GNPDA2: variants seen among roughly 807,000 people sequenced by gnomAD.
GNPDA2 encodes the protein glucosamine-6-phosphate deaminase 2.
A neutral mutation model predicts 27.0 loss-of-function variants in GNPDA2; 24 were observed. The observed-to-expected ratio is 0.89, with a 90% CI of 0.64 to 1.25. The LOEUF (loss-of-function observed/expected upper bound fraction) is 1.25. Among genes scored for constraint, GNPDA2 ranks in the 50% most tolerant of loss-of-function variants. GNPDA2 has a pLI of 0.00. For missense variants in GNPDA2, 286 were observed against 335.1 expected (o/e 0.85, Z 1.14); for synonymous variants, 94 against 108.4 (o/e 0.87, Z 0.83).
intron 6 of GNPDA2, chr4:44,703,568 C>T (rs756464095): frequency 2.2e-5 from 22 of 986,242 alleles, no homozygotes; most frequent in Non-Finnish European, 2.6e-5. Flanking sequence ...ATACATTACC[C>T]TATCCATTCG....
intron 4 of GNPDA2, 24 bp downstream of exon 4, chr4:44,717,089 T>G (rs1717344537): frequency 6.5e-7 from 1 of 1,534,264 alleles, no homozygotes; most frequent in Non-Finnish European, 8.9e-7. Context: ...AACAAACAGT[T>G]AATGACAAAA....
At position 44,701,802 on chromosome 4, in the gene GNPDA2, T is replaced by G. The variant is rs570950348; in HGVS notation, c.*1279A>C. 1.8e-5 allele frequency: 18 copies of G among 982,902 alleles called. 1 individual carries two copies. The South Asian group carries it at 6.1e-4, about 33-fold the overall frequency. 60.9% of individuals were successfully genotyped at this position (982,902 alleles called of 1,614,324 possible). A position where few individuals can be genotyped will look rare whatever the true frequency, so the allele number is the denominator to read the frequency against. ...AAACATTTATAAGGCTATTAAAACA[T>G]CATCTGGAATTAAAGCAGCATAATT... On this transcript the variant is annotated 3_prime_UTR_variant, in exon 7 of 7. Coordinates refer to ENST00000295448, the MANE Select transcript of GNPDA2 (RefSeq NM_138335.3).
chr4:44,720,434 C>G (rs974050856), intron 2 of GNPDA2, among the ~76,000 whole-genome samples: 1 of 152,166 alleles, frequency 6.6e-6, no homozygotes, highest in South Asian at 2.1e-4. Flanking sequence ...CAACTTCAAG[C>G]CTATTCTTGA....
In GNPDA2 at chr4:44,703,037, A is replaced by G; in HGVS notation, c.*44T>C. ...CTGAAAATTCATCTACTACTTAGTA[A>G]AAAGTGCTCTGTTCATTCAAGCTGA... is the stretch of plus-strand genomic sequence containing the variant. On this transcript the variant is annotated 3_prime_UTR_variant, in exon 7 of 7. Coordinates refer to ENST00000295448, the MANE Select transcript of GNPDA2 (RefSeq NM_138335.3). The G allele has an allele frequency of 1.2e-6, 2 of 1,604,836 alleles. No individual in the cohort carries two copies. The highest frequency in any genetic ancestry group is 1.7e-6 in the Non-Finnish European group (2 of 1,177,320).
Position 44,709,444 on chromosome 4 carries a change from T to C in GNPDA2, c.594+1509A>G, listed in dbSNP as rs142664630. On this transcript the variant is annotated intron_variant, in intron 5 of 6. Transcript: ENST00000295448. ...ACAAACTATATGGAATAATTTGTTA[T>C]GTTTGTTCAAACTGCAGAATCCCTA... Among the ~76,000 whole-genome samples the C allele has an allele frequency of 6.3e-3, 963 of 152,310 alleles. 12 individuals carry two copies. Among genetic ancestry groups the C allele is most frequent in the African/African-American group, 0.022 (920 of 41,562 alleles).
At chr4:44,703,294 A>G (rs7680955) in intron 6 of GNPDA2, 152 bp from the exon 7 acceptor site, 89,807 of 1,390,910 alleles carry the variant, frequency 0.065, 3,321 homozygotes, top group Non-Finnish European at 0.074. Flanking sequence ...ACAAATAGAA[A>G]TGTTTCAGAA....
intron 1 of GNPDA2, among the ~76,000 whole-genome samples, chr4:44,723,255 T>TA (rs903143629): frequency 3.3e-5 from 5 of 151,400 alleles, no homozygotes; most frequent in South Asian, 4.2e-4. Context: ...TCCTTTTTTT[T>TA]AAAAAAATGG....
chr4:44,720,534 A>G (rs1354481130), intron 2 of GNPDA2, among the ~76,000 whole-genome samples: 1 of 152,150 alleles, frequency 6.6e-6, no homozygotes, highest in African/African-American at 2.4e-5. Context: ...CACAGCATGC[A>G]GGCCTTTAAA....
chr4:44,705,055 T>A (rs1716504482), intron 6 of GNPDA2: 23 of 983,736 alleles, frequency 2.3e-5, no homozygotes, highest in Non-Finnish European at 2.8e-5. Flanking sequence ...TACTGACAAT[T>A]TTTATTGTTT....
At chr4:44,713,954 A>G (rs1717127413) in intron 4 of GNPDA2, among the ~76,000 whole-genome samples, 1 of 152,124 alleles carries the variant, frequency 6.6e-6, no homozygotes. Flanking sequence ...TTTATTGTAA[A>G]ACTAGATTTT....
At chr4:44,717,400 C>A (rs1577592385) in intron 3 of GNPDA2, 105 bp from the exon 4 acceptor site, 9 of 584,156 alleles carry the variant, frequency 1.5e-5, no homozygotes, top group Non-Finnish European at 2.6e-5. Context: ...CTTCTCTATA[C>A]CATATTCAAT....
rs1716523128 is a variant in GNPDA2 at position 44,705,307 on chromosome 4, A to G, written c.770-2165T>C. 7.1e-6 allele frequency: 7 copies of G among 984,268 alleles called. No individual in the cohort carries two copies. In the South Asian group the frequency reaches 2.4e-4, roughly 33 times the overall value. The allele number at this position is 984,268 out of a possible 1,614,324, so 61.0% of individuals were successfully genotyped here. ...TTATTTAAGAATATTCAATTTCTCT[A>G]CCCTTTACTAAAATGCTGTAAAATG... is the stretch of plus-strand genomic sequence containing the variant. On this transcript the variant is annotated intron_variant, in intron 6 of 6. Coordinates refer to ENST00000295448, the MANE Select transcript of GNPDA2 (RefSeq NM_138335.3).
intron 3 of GNPDA2, among the ~76,000 whole-genome samples, chr4:44,717,566 C>T (rs1459662994): frequency 6.6e-6 from 1 of 151,702 alleles, no homozygotes. Context: ...TCCCATAGTT[C>T]GCAAAGGAGT....
At chr4:44,718,283 G>C in intron 3 of GNPDA2, 26 bp downstream of exon 3, 1 of 849,050 alleles carries the variant, frequency 1.2e-6, no homozygotes, top group South Asian at 1.7e-5. Context: ...CCCAAATAAT[G>C]GTCAATATAT....
chr4:44,707,961 T>C (rs755837747), intron 5 of GNPDA2, 35 bp from the exon 6 acceptor site: 5 of 1,448,528 alleles, frequency 3.5e-6, no homozygotes, highest in East Asian at 2.4e-5. Flanking sequence ...TTAAAACTTG[T>C]TCCAAATGAG....
At chr4:44,708,094 G>A (rs2109696786) in intron 5 of GNPDA2, among the ~76,000 whole-genome samples, 168 bp from the exon 6 acceptor site, 1 of 152,146 alleles carries the variant, frequency 6.6e-6, no homozygotes, top group South Asian at 2.1e-4. Context: ...AGATTAACAA[G>A]CACAAAATGT....
intron 4 of GNPDA2, among the ~76,000 whole-genome samples, chr4:44,712,496 A>C (rs1335049413): frequency 2.0e-5 from 3 of 151,250 alleles, no homozygotes; most frequent in Non-Finnish European, 4.4e-5. Flanking sequence ...GTTAATATGC[A>C]TTGACTGTTT....
At chr4:44,707,496 T>C in intron 6 of GNPDA2, 1 of 439,758 alleles carries the variant, frequency 2.3e-6, no homozygotes, top group Non-Finnish European at 4.0e-6. Flanking sequence ...AAGTAAATTA[T>C]TAAACCTTGG....
intron 1 of GNPDA2, among the ~76,000 whole-genome samples, chr4:44,723,261 A>C (rs1181208727): frequency 6.6e-6 from 1 of 152,034 alleles, no homozygotes; most frequent in East Asian, 1.9e-4. Context: ...TTTTTAAAAA[A>C]ATGGTATAAA....
Sources: gnomAD v4.1 joint callset for allele counts (sites outside exome capture counted in the v4.1 genomes callset) on GRCh38, gnomAD v4.1.1 for gene constraint, MANE v1.5 for transcripts, NCBI Gene and HGNC (gene_info 2026-07-23, HGNC 2026-07-21) for gene names.